VPS50: variants seen among roughly 807,000 people sequenced by gnomAD.
VPS50 encodes the protein VPS50 subunit of EARP/GARPII complex, also known as syndetin.
In VPS50, 70 loss-of-function variants were observed where a neutral mutation model predicts 139.7. That is an observed-to-expected ratio of 0.50 (90% CI 0.41 to 0.61). VPS50 has a LOEUF of 0.61. Among genes scored for constraint, VPS50 ranks in the 20% least tolerant of loss-of-function variants. VPS50 has a pLI of 0.00. For synonymous variants in VPS50, 365 were observed against 376.7 expected, an observed-to-expected ratio of 0.97 and a Z score of 0.36; for missense variants, 921 against 1,133.7, an observed-to-expected ratio of 0.81 and a Z score of 2.69.
At chr7:93,278,972 G>A (rs1796245543) in intron 12 of VPS50, among the ~76,000 whole-genome samples, 1 of 152,138 alleles carries the variant, frequency 6.6e-6, no homozygotes, top group South Asian at 2.1e-4. Flanking sequence ...ATTAGTTGAA[G>A]TAGCTTTGGT....
At position 93,252,685 on chromosome 7, in the gene VPS50, T is replaced by C. The variant is rs758981846; in HGVS notation, c.135T>C (p.Ser45=). 1.9e-6 allele frequency: 3 copies of C among 1,603,406 alleles called. 1 individual carries two copies. In the South Asian group the frequency reaches 3.3e-5, roughly 18 times the overall value. Residue 45 remains serine, a synonymous_variant, in exon 3 of 28, where the codon AGT becomes AGC. Transcript: ENST00000305866. ...EEFRELREQP[S]DPQAEQELIN... Reference sequence around the variant, plus strand: ...TCAGGGAACTTCGAGAACAGCCAAGTGACCCTCAAGCTGAACAAGAGCTTA... The same window carrying C: ...TCAGGGAACTTCGAGAACAGCCAAGCGACCCTCAAGCTGAACAAGAGCTTA...
intron 21 of VPS50, among the ~76,000 whole-genome samples, chr7:93,329,601 A>G (rs1251498840): frequency 1.3e-5 from 2 of 152,128 alleles, no homozygotes; most frequent in Non-Finnish European, 2.9e-5. Flanking sequence ...AAGAGGAAGC[A>G]TAAAGAAATG....
At chr7:93,277,868 A>G (rs964109263) in intron 12 of VPS50, among the ~76,000 whole-genome samples, 3 of 152,046 alleles carry the variant, frequency 2.0e-5, no homozygotes, top group Non-Finnish European at 4.4e-5. Context: ...TTGATAGTAT[A>G]TATTATAAAA....
In VPS50 at chr7:93,355,942, G is replaced by A. The variant is rs1202523368; in HGVS notation, c.2637G>A (p.Leu879=). Residue 879 remains leucine (L), a synonymous_variant, in exon 27 of 28, where the codon TTG becomes TTA. Transcript: ENST00000305866. ...ATGAGGGTCGTGCCCTGATGCAATT[G>A]GATTTTCAACAGTTTTTAATGAAAC... ...CSNEGRALMQ[L]DFQQFLMKLE... The A allele has an allele frequency of 1.2e-6, 2 of 1,603,488 alleles. No individual in the cohort carries two copies.
At chr7:93,310,065 T>C (rs1055801751) in intron 19 of VPS50, among the ~76,000 whole-genome samples, 4 of 152,064 alleles carry the variant, frequency 2.6e-5, no homozygotes, top group Non-Finnish European at 4.4e-5. Context: ...TACTGTGAAC[T>C]GAATAGAACT....
intron 12 of VPS50, among the ~76,000 whole-genome samples, chr7:93,282,955 A>G (rs187953702): frequency 6.6e-6 from 1 of 152,334 alleles, no homozygotes; most frequent in Admixed American, 6.5e-5. Flanking sequence ...TTCTAAATTA[A>G]GTAGGTTTTG....
intron 20 of VPS50, among the ~76,000 whole-genome samples, chr7:93,322,241 C>T (rs1472425614): frequency 6.6e-6 from 1 of 152,200 alleles, no homozygotes; most frequent in East Asian, 1.9e-4. Context: ...TAGACATTTC[C>T]TTTGGAGTAC....
intron 16 of VPS50, among the ~76,000 whole-genome samples, chr7:93,303,185 A>G (rs1350506826): frequency 6.6e-6 from 1 of 151,968 alleles, no homozygotes; most frequent in Non-Finnish European, 1.5e-5. Context: ...TAGTCCTCTA[A>G]TAAAACTGTC....
chr7:93,232,440 G>A lies in VPS50; in HGVS notation c.-28G>A. On this transcript the variant is annotated 5_prime_UTR_variant, in exon 1 of 28. Coordinates refer to ENST00000305866, the MANE Select transcript of VPS50 (RefSeq NM_017667.4). Reference sequence around the variant, plus strand: ...TCGGTGTGATTTGTTAGCTCTTTGAGGCAGGGTACCCTCCTCAGGATTTCG... The same window carrying A: ...TCGGTGTGATTTGTTAGCTCTTTGAAGCAGGGTACCCTCCTCAGGATTTCG... 1.2e-6 allele frequency: 2 copies of A among 1,604,934 alleles called. No homozygotes were observed. Among genetic ancestry groups the A allele is most frequent in the Non-Finnish European group, 1.7e-6 (2 of 1,171,968 alleles).
At position 93,349,955 on chromosome 7, in the gene VPS50, G is replaced by T. The variant is rs1461490239; in HGVS notation, c.2385G>T (p.Leu795=). The T allele has an allele frequency of 1.2e-6, 2 of 1,611,696 alleles. No homozygotes were observed. Among genetic ancestry groups the T allele is most frequent in the East Asian group, 4.5e-5 (2 of 44,846 alleles). ...AAGCCCTTGATTATGAACAGATGCT[G>T]CTTCTCATGGCTAATGTGAAATGGG... is the stretch of plus-strand genomic sequence containing the variant. The part of the protein sequence containing the change: ...AGKALDYEQM[L]LLMANVKWDV... Residue 795 remains leucine, a synonymous_variant, in exon 25 of 28, where the codon CTG becomes CTT. Transcript: ENST00000305866.
chr7:93,353,847 A>G (rs1391226539), intron 26 of VPS50, 86 bp downstream of exon 26: 5 of 1,040,050 alleles, frequency 4.8e-6, no homozygotes, highest in East Asian at 2.5e-5. Context: ...GTTGGAGAGA[A>G]TAAGTAGAAA....
At chr7:93,252,898 C>T in intron 3 of VPS50, 123 bp downstream of exon 3, 2 of 652,152 alleles carry the variant, frequency 3.1e-6, no homozygotes, top group South Asian at 2.3e-5. Context: ...CTGTGATTAC[C>T]ACATTGTGAT....
rs760297695 is a variant in VPS50, at chr7:93,276,187, T to A, written c.824T>A (p.Met275Lys). The change falls in exon 12 of 28, where the codon ATG (methionine) becomes AAG (lysine). Residue 275 changes from methionine (M) to lysine (K), a missense_variant. Physicochemically the swap from Met to Lys is moderately conservative, Grantham distance 95 (BLOSUM62 -1). This residue lies in a region of VPS50 where 744 missense variants were observed against 930.6 expected (regional missense o/e 0.80). Coordinates refer to ENST00000305866, the MANE Select transcript of VPS50 (RefSeq NM_017667.4). ...CAGACAGCAATGGATCAACTTCATA[T>A]GCACTTCACCCAAGCCATTCACAAC... The part of the protein sequence containing the change: ...KTQTAMDQLH[M>K]HFTQAIHNTV... 1 of 1,613,002 alleles carries A rather than the reference T, an allele frequency of 6.2e-7. No individual in the cohort carries two copies. The highest frequency in any genetic ancestry group is 1.7e-5 in the Admixed American group (1 of 59,914).
chr7:93,271,209 T>C lies in VPS50; in HGVS notation c.660-11T>C. The C allele has an allele frequency of 6.4e-7, 1 of 1,567,908 alleles. No homozygotes were observed. The stretch of plus-strand genomic sequence containing the variant: ...GAAATAGAAAAAAACTGTTTTTTTT[T>C]TTTTTAATAGTGAACTGAATTCAAA... On this transcript the variant is annotated splice_polypyrimidine_tract_variant and intron_variant, in intron 9 of 27. Transcript: ENST00000305866.
chr7:93,243,812 A>G (rs1795067969), intron 2 of VPS50, among the ~76,000 whole-genome samples: 1 of 151,920 alleles, frequency 6.6e-6, no homozygotes, highest in African/African-American at 2.4e-5. Flanking sequence ...TTAAAAAGTA[A>G]AAATACCAGT....
intron 26 of VPS50, among the ~76,000 whole-genome samples, chr7:93,354,173 G>C (rs1315631911): frequency 1.3e-5 from 2 of 152,068 alleles, no homozygotes; most frequent in Non-Finnish European, 2.9e-5. Flanking sequence ...CTATGATTCT[G>C]TTTTATCAAT....
chr7:93,325,414 CA>C (rs1253380416), intron 21 of VPS50, among the ~76,000 whole-genome samples: 2 of 151,850 alleles, frequency 1.3e-5, no homozygotes, highest in South Asian at 2.1e-4. Context: ...TCTAAAACAC[CA>C]AAAGCAATGG....
intron 12 of VPS50, among the ~76,000 whole-genome samples, chr7:93,287,542 GA>G (rs1796527267): frequency 6.6e-6 from 1 of 151,288 alleles, no homozygotes; most frequent in Non-Finnish European, 1.5e-5. Flanking sequence ...AAGTATAATA[GA>G]AATTAATTAT....
rs1453212561 is a variant in VPS50, at chr7:93,253,856, G to C, written c.226-4G>C. 6.4e-7 allele frequency: 1 copy of C among 1,562,940 alleles called. No individual in the cohort carries two copies. Among genetic ancestry groups the C allele is most frequent in the South Asian group, 1.1e-5 (1 of 87,526 alleles). On this transcript the variant is annotated splice_polypyrimidine_tract_variant and splice_region_variant and intron_variant, in intron 3 of 27. Transcript: ENST00000305866. ...CCTCTTCTTTCATGAATTTTTTTCT[G>C]TAGAAGCTTCCACCTGTTCTCAATT...
Sources: gnomAD v4.1 joint callset for allele counts (sites outside exome capture counted in the v4.1 genomes callset) on GRCh38, gnomAD v4.1.1 for gene constraint, gnomAD v4.1.1 regional missense constraint, MANE v1.5 for transcripts, NCBI Gene and HGNC (gene_info 2026-07-23, HGNC 2026-07-21) for gene names.